The following C8orf74 variants were observed in gnomAD, a reference collection of about 807,000 sequenced individuals.
C8orf74 encodes uncharacterized protein C8orf74.
A neutral mutation model predicts 22.2 loss-of-function variants in C8orf74; 29 were observed. The observed-to-expected ratio is 1.31, with a 90% confidence interval of 0.97 to 1.78. The LOEUF (loss-of-function observed/expected upper bound fraction) is 1.78, where lower values mean the gene tolerates loss of function less well. C8orf74 is among the 40% of genes most tolerant of loss of function. The pLI is 0.00. For synonymous variants in C8orf74, 255 were observed against 163.1 expected (o/e 1.56, Z -4.30); for missense variants, 515 against 369.9 (o/e 1.39, Z -3.22).
chr8:10,682,650 C>A (rs151211571), intron 2 of C8orf74, among the ~76,000 whole-genome samples: 459 of 152,320 alleles, frequency 3.0e-3, no homozygotes, highest in African/African-American at 0.01. Context: ...TAAAGACCCT[C>A]TTTCCAAGTA....
chr8:10,694,814 G>C (rs1315846831), intron 2 of C8orf74, among the ~76,000 whole-genome samples: 1 of 152,130 alleles, frequency 6.6e-6, no homozygotes, highest in Non-Finnish European at 1.5e-5. Context: ...ATTAATGGAT[G>C]GATGAATAGG....
At chr8:10,676,837 G>A (rs576058521) in intron 2 of C8orf74, among the ~76,000 whole-genome samples, 15 of 152,226 alleles carry the variant, frequency 9.9e-5, no homozygotes, top group Non-Finnish European at 2.2e-4. Flanking sequence ...AGAGGGGCTC[G>A]TGGCCAGAAC....
intron 2 of C8orf74, among the ~76,000 whole-genome samples, chr8:10,681,761 T>C (rs1799155802): frequency 6.6e-6 from 1 of 152,182 alleles, no homozygotes; most frequent in African/African-American, 2.4e-5. Flanking sequence ...CCTTTGCATA[T>C]GGCCAGGCCC....
chr8:10,678,455 C>T (rs139009865), intron 2 of C8orf74, among the ~76,000 whole-genome samples: 47 of 152,256 alleles, frequency 3.1e-4, no homozygotes, highest in African/African-American at 8.4e-4. Context: ...AGGGGTCACC[C>T]GCTTCAGACG....
intron 2 of C8orf74, among the ~76,000 whole-genome samples, chr8:10,680,885 T>C (rs4540376): frequency 1 from 152,065 of 152,280 alleles, 75,933 homozygotes; most frequent in Middle Eastern, 1. Context: ...TTGTCCCCAT[T>C]TCAGAATGTG....
Position 10,697,951 on chromosome 8 carries a change from G to A in C8orf74, c.594G>A (p.Gln198=), listed in dbSNP as rs1006971330. The A allele has an allele frequency of 6.4e-7, 1 of 1,560,132 alleles. No individual in the cohort carries two copies. Among genetic ancestry groups the A allele is most frequent in the Non-Finnish European group, 8.7e-7 (1 of 1,155,390 alleles). The change falls in exon 3 of 4, where the codon CAG becomes CAA. Residue 198 remains glutamine, a synonymous_variant. Coordinates refer to ENST00000304519, the MANE Select transcript of C8orf74 (RefSeq NM_001040032.2). ...GCCTGGAGCGGGAGAACTCGCTGCA[G>A]AAGGCGTTCGCTGCCGCCGCGCCTG... The part of the protein sequence containing the change: ...ALRLERENSL[Q]KAFAAAAPAQ...
intron 2 of C8orf74, among the ~76,000 whole-genome samples, chr8:10,682,283 C>G (rs570842076): frequency 1.3e-5 from 2 of 152,208 alleles, no homozygotes; most frequent in Non-Finnish European, 2.9e-5. Context: ...CTTAGAGGAG[C>G]ATTTCTTGGG....
intron 2 of C8orf74, chr8:10,687,033 T>C: frequency 2.2e-6 from 1 of 452,894 alleles, no homozygotes; most frequent in Non-Finnish European, 4.4e-6. Context: ...AAATCCAGTC[T>C]CCAGGGTTAT....
At chr8:10,672,755 C>A (rs1433602491) in intron 1 of C8orf74, 42 bp downstream of exon 1, 1 of 1,529,596 alleles carries the variant, frequency 6.5e-7, no homozygotes, top group Non-Finnish European at 8.9e-7. Flanking sequence ...GAAACTGGCT[C>A]ATCCTGGGCA....
At chr8:10,684,597 G>C (rs1215448851) in intron 2 of C8orf74, among the ~76,000 whole-genome samples, 1 of 152,198 alleles carries the variant, frequency 6.6e-6, no homozygotes, top group Non-Finnish European at 1.5e-5. Context: ...TAATCCATCA[G>C]AGATATATTT....
Position 10,700,567 on chromosome 8 carries a change from T to C in C8orf74, c.*96T>C. 2 of 741,624 alleles carry C rather than the reference T, an allele frequency of 2.7e-6. No homozygotes were observed. Among genetic ancestry groups the C allele is most frequent in the Non-Finnish European group, 4.3e-6 (2 of 464,316 alleles). The allele number at this position is 741,624 out of a possible 1,614,324, so 45.9% of individuals were successfully genotyped here. A position where few individuals can be genotyped will look rare whatever the true frequency, so the allele number is the denominator to read the frequency against. ...AGCTCAGCACCCACAGAGAGACTTC[T>C]TGTGATTAAAAGAAACAAACCCATG... On this transcript the variant is annotated 3_prime_UTR_variant, in exon 4 of 4. Transcript: ENST00000304519.
chr8:10,674,782 GGGT>G lies in C8orf74; in HGVS notation c.188_190del (p.Val63del). The G allele has an allele frequency of 6.2e-7, 1 of 1,606,716 alleles. No homozygotes were observed. Among genetic ancestry groups the G allele is most frequent in the Non-Finnish European group, 8.5e-7 (1 of 1,176,674 alleles). Reference sequence around the variant, plus strand: ...TTTGCAGTGGGCAAAGGCTTCCCATGGGTGGAGGTGGCCCAGGTGGTCAAGTTC... The same window carrying G: ...TTTGCAGTGGGCAAAGGCTTCCCATGGGAGGTGGCCCAGGTGGTCAAGTTC... On this transcript the variant is annotated inframe_deletion, in exon 2 of 4. Transcript: ENST00000304519.
intron 2 of C8orf74, among the ~76,000 whole-genome samples, chr8:10,676,830 G>A (rs1799042514): frequency 6.6e-6 from 1 of 152,162 alleles, no homozygotes; most frequent in Non-Finnish European, 1.5e-5. Flanking sequence ...GAGCTCTAGA[G>A]GGGCTCGTGG....
intron 2 of C8orf74, among the ~76,000 whole-genome samples, chr8:10,679,520 T>G (rs1294340029): frequency 6.6e-6 from 1 of 152,176 alleles, no homozygotes; most frequent in South Asian, 2.1e-4. Flanking sequence ...AGGCTCTGAG[T>G]CACCAGCCGT....
chr8:10,675,713 C>T (rs923171730), intron 2 of C8orf74: 1 of 152,184 alleles, frequency 6.6e-6, no homozygotes, highest in Non-Finnish European at 1.5e-5. Context: ...CCAGCATTCT[C>T]CTGTGATGGT....
chr8:10,695,507 C>A (rs1306086807), intron 2 of C8orf74, among the ~76,000 whole-genome samples: 1 of 152,190 alleles, frequency 6.6e-6, no homozygotes, highest in African/African-American at 2.4e-5. Flanking sequence ...TAACATGGCT[C>A]CAAGTGGAGT....
At chr8:10,688,333 G>C (rs780459897) in intron 2 of C8orf74, 7 of 152,098 alleles carry the variant, frequency 4.6e-5, no homozygotes, top group Non-Finnish European at 1.0e-4. Flanking sequence ...TTAATAAATG[G>C]AATAAAAAAG....
intron 2 of C8orf74, among the ~76,000 whole-genome samples, chr8:10,693,200 C>T (rs1220611686): frequency 6.6e-6 from 1 of 152,198 alleles, no homozygotes; most frequent in Admixed American, 6.5e-5. Context: ...CCTCAGTGGG[C>T]CATGCCTGCT....
chr8:10,694,125 G>C (rs1313263972), intron 2 of C8orf74, among the ~76,000 whole-genome samples: 2 of 152,124 alleles, frequency 1.3e-5, no homozygotes, highest in Non-Finnish European at 2.9e-5. Flanking sequence ...CCATGCTGTT[G>C]TTCACCCAAC....
Sources: allele counts gnomAD v4.1 joint callset (sites outside exome capture counted in the v4.1 genomes callset), GRCh38; gene constraint gnomAD v4.1.1; transcripts MANE v1.5; gene names NCBI Gene and HGNC (gene_info 2026-07-23, HGNC 2026-07-21).